The following GALNT7 variants were observed in gnomAD, a reference collection of about 807,000 sequenced individuals.
GALNT7 encodes N-acetylgalactosaminyltransferase 7.
A neutral mutation model predicts 82.1 loss-of-function variants in GALNT7; 60 were observed. That is an observed-to-expected ratio of 0.73 (90% CI 0.59 to 0.91). The LOEUF (loss-of-function observed/expected upper bound fraction) is 0.91. Ranked by LOEUF, GALNT7 falls within the 40% of genes least tolerant of loss-of-function variation. GALNT7 has a pLI of 0.00. For synonymous variants in GALNT7, 243 were observed against 275.1 expected (o/e 0.88, Z 1.15); for missense variants, 660 against 804.2 (o/e 0.82, Z 2.17).
At chr4:173,266,257 C>T (rs908760116) in intron 2 of GALNT7, among the ~76,000 whole-genome samples, 7 of 152,068 alleles carry the variant, frequency 4.6e-5, no homozygotes, top group Non-Finnish European at 7.4e-5. Flanking sequence ...AAGACTCTGT[C>T]TCAAAAAGGA....
chr4:173,205,494 T>C (rs1000875020), intron 1 of GALNT7, among the ~76,000 whole-genome samples: 5 of 151,744 alleles, frequency 3.3e-5, no homozygotes, highest in Non-Finnish European at 5.9e-5. Context: ...TCTCTCTTGC[T>C]GTCTTTTTTT....
At position 173,321,611 on chromosome 4, in the gene GALNT7, G is replaced by A; in HGVS notation, c.1868G>A (p.Gly623Glu). 1 of 1,610,918 alleles carries A rather than the reference G, an allele frequency of 6.2e-7. No homozygotes were observed. Among genetic ancestry groups the A allele is most frequent in the Non-Finnish European group, 8.5e-7 (1 of 1,177,408 alleles). Residue 623 changes from glycine (G) to glutamate (E), a missense_variant, in exon 12 of 12, where the codon GGA becomes GAA. Physicochemically the swap from Gly to Glu is moderately conservative, Grantham distance 98 (BLOSUM62 -2). Coordinates refer to ENST00000265000, the MANE Select transcript of GALNT7 (RefSeq NM_017423.3). ...CACAGATTTACTCATATTCCTTCAG[G>A]AAAGTGTTTAGATCGCTCAGAGGTC... ...NLHRFTHIPS[G>E]KCLDRSEVLH...
At chr4:173,175,801 G>A (rs544617341) in intron 1 of GALNT7, among the ~76,000 whole-genome samples, 8 of 152,256 alleles carry the variant, frequency 5.3e-5, no homozygotes, top group South Asian at 2.1e-4. Flanking sequence ...AGGCTGGTGC[G>A]GTGGTTCATG....
In GALNT7 at chr4:173,168,963, T is replaced by TG. The variant is rs1288266491; in HGVS notation, c.126+3dup. 1.9e-6 allele frequency: 3 copies of TG among 1,611,034 alleles called. No homozygotes were observed. In the Admixed American group the frequency reaches 5.0e-5, roughly 27 times the overall value. Reference sequence around the variant, plus strand: ...CCAAGCCCGCTGAGCAGGATGAGGGTGAGTGACCCGCCCGGCCCCCTCCGG... The same window carrying TG: ...CCAAGCCCGCTGAGCAGGATGAGGGTGGAGTGACCCGCCCGGCCCCCTCCGG... On this transcript the variant is annotated splice_region_variant and intron_variant, in intron 1 of 11. Transcript: ENST00000265000.
rs140781940 is a variant in GALNT7 at position 173,223,039 on chromosome 4, C to T, written c.127-24941C>T. The stretch of plus-strand genomic sequence containing the variant: ...ATCCTAAAAAAAAATTTCATCCTAG[C>T]CTCAGCACTTCTCTACATTAATTCT... On this transcript the variant is annotated intron_variant, in intron 1 of 11. Transcript: ENST00000265000. Among the ~76,000 whole-genome samples, 217 of 152,170 alleles carry T rather than the reference C, an allele frequency of 1.4e-3. 1 individual carries two copies. Among genetic ancestry groups the T allele is most frequent in the African/African-American group, 5.0e-3 (207 of 41,512 alleles).
Position 173,320,443 on chromosome 4 carries a change from A to G in GALNT7, c.1837-1137A>G, listed in dbSNP as rs1737770116. ...CTATGTTTACCCACAAAAAATAGTG[A>G]GAAGAATGGAATTCTGTATTTTTGC... On this transcript the variant is annotated intron_variant, in intron 11 of 11. Transcript: ENST00000265000. The surrounding 1 kb of genome is among the most constrained non-coding windows in gnomAD (Gnocchi z 4.1). Among the ~76,000 whole-genome samples, 1 of 152,300 alleles carries G rather than the reference A, an allele frequency of 6.6e-6. No individual in the cohort carries two copies. The highest frequency in any genetic ancestry group is 2.4e-5 in the African/African-American group (1 of 41,572).
intron 1 of GALNT7, among the ~76,000 whole-genome samples, chr4:173,200,010 A>G (rs1277111737): frequency 2.0e-5 from 3 of 152,252 alleles, no homozygotes; most frequent in Admixed American, 6.5e-5. Context: ...TTGGCAATCC[A>G]TGTATAGAAT....
At chr4:173,278,040 A>T (rs1185578757) in intron 2 of GALNT7, among the ~76,000 whole-genome samples, 2 of 152,222 alleles carry the variant, frequency 1.3e-5, no homozygotes, top group African/African-American at 4.8e-5. Flanking sequence ...ATACTACCTT[A>T]TATTTTTCAA....
In GALNT7 at chr4:173,254,432, G is replaced by A. The variant is rs374238194; in HGVS notation, c.587+5992G>A. 5.9e-5 allele frequency among the ~76,000 whole-genome samples: 9 copies of A among 152,192 alleles called. No homozygotes were observed. In the South Asian group the frequency reaches 1.2e-3, roughly 21 times the overall value. On this transcript the variant is annotated intron_variant, in intron 2 of 11. Transcript: ENST00000265000. The stretch of plus-strand genomic sequence containing the variant: ...TATTGCTATAATTTATAAAATGGTT[G>A]CTATTTTTAAAACATTGATTTAATT...
chr4:173,247,605 C>T (rs751702383), intron 1 of GALNT7, among the ~76,000 whole-genome samples: 1 of 152,082 alleles, frequency 6.6e-6, no homozygotes, highest in Non-Finnish European at 1.5e-5. Context: ...ACTGGGAAAA[C>T]CACATACTGT....
intron 10 of GALNT7, 143 bp downstream of exon 10, chr4:173,317,875 G>T (rs1001709411): frequency 1.6e-6 from 1 of 610,948 alleles, no homozygotes; most frequent in African/African-American, 1.9e-5. Context: ...TAAAAAAATT[G>T]ACAGTGTTAA....
intron 2 of GALNT7, among the ~76,000 whole-genome samples, chr4:173,251,171 G>A (rs1734834579): frequency 6.6e-6 from 1 of 152,334 alleles, no homozygotes; most frequent in African/African-American, 2.4e-5. Context: ...TGTCGAGAAT[G>A]AATGAACGTG....
At chr4:173,293,184 A>G (rs920513990) in intron 3 of GALNT7, among the ~76,000 whole-genome samples, 1 of 152,180 alleles carries the variant, frequency 6.6e-6, no homozygotes, top group Non-Finnish European at 1.5e-5. Flanking sequence ...AAAAGTGAAG[A>G]TACACCAAAA....
intron 2 of GALNT7, among the ~76,000 whole-genome samples, chr4:173,263,165 G>A (rs139758705): frequency 6.6e-6 from 1 of 151,910 alleles, no homozygotes; most frequent in East Asian, 1.9e-4. Flanking sequence ...AAGGGCCTTG[G>A]GGACCCCACA....
At chr4:173,250,019 G>A (rs1251995123) in intron 2 of GALNT7, among the ~76,000 whole-genome samples, 1 of 152,146 alleles carries the variant, frequency 6.6e-6, no homozygotes, top group Admixed American at 6.6e-5. Context: ...CTGCAGGCTG[G>A]GACTTAGTAT....
At chr4:173,229,206 GCA>G (rs1160759528) in intron 1 of GALNT7, among the ~76,000 whole-genome samples, 1 of 152,058 alleles carries the variant, frequency 6.6e-6, no homozygotes, top group African/African-American at 2.4e-5. Context: ...ATCATTTCCT[GCA>G]TATTACAATT....
chr4:173,243,071 G>A (rs183418615), intron 1 of GALNT7, among the ~76,000 whole-genome samples: 150 of 152,292 alleles, frequency 9.8e-4, no homozygotes, highest in African/African-American at 3.5e-3. Context: ...AAGAGATCAT[G>A]TGACTGCATA....
intron 1 of GALNT7, among the ~76,000 whole-genome samples, chr4:173,219,476 A>G (rs1385260566): frequency 2.6e-5 from 4 of 152,166 alleles, no homozygotes; most frequent in Admixed American, 2.6e-4. Flanking sequence ...ATCTTTTTCT[A>G]TAATGACTTC....
At chr4:173,303,052 G>A (rs1489738398) in intron 7 of GALNT7, among the ~76,000 whole-genome samples, 31 of 152,066 alleles carry the variant, frequency 2.0e-4, no homozygotes, top group Non-Finnish European at 1.6e-4. Flanking sequence ...AAAATTAGCC[G>A]GGTGTGGTGG....
Sources: gnomAD v4.1 joint callset for allele counts (sites outside exome capture counted in the v4.1 genomes callset) on GRCh38, gnomAD v4.1.1 for gene constraint, Gnocchi (gnomAD v3.1) non-coding constraint, MANE v1.5 for transcripts, NCBI Gene and HGNC (gene_info 2026-07-23, HGNC 2026-07-21) for gene names.